Variants in CNTRL observed in about 807,000 individuals in gnomAD.
CNTRL encodes the protein centriolin, also known as 110 kDa centrosomal protein.
CNTRL carries 233 observed loss-of-function variants against 303.7 expected under a neutral mutation model. That is an observed-to-expected ratio of 0.77 (90% CI 0.69 to 0.86). CNTRL has a LOEUF of 0.86. Among genes scored for constraint, CNTRL ranks in the 40% least tolerant of loss-of-function variants. The probability of loss-of-function intolerance (pLI) is 0.00; values close to 1 mark genes in which losing one functional copy is unlikely to be tolerated. For missense variants in CNTRL, 2,524 were observed against 2,650.6 expected, an observed-to-expected ratio of 0.95 and a Z score of 1.05; for synonymous variants, 900 against 922.2, an observed-to-expected ratio of 0.98 and a Z score of 0.44.
At chr9:121,120,258 TA>T (rs978597228) in intron 12 of CNTRL, among the ~76,000 whole-genome samples, 3 of 152,214 alleles carry the variant, frequency 2.0e-5, no homozygotes, top group African/African-American at 7.2e-5. Flanking sequence ...ATATCATATA[TA>T]TTTTTTTGTG....
At chr9:121,121,689 T>C in intron 12 of CNTRL, 2 of 658,872 alleles carry the variant, frequency 3.0e-6, no homozygotes, top group Non-Finnish European at 3.8e-6. Context: ...CCTGGGAGCT[T>C]CCTGTGTTAT....
At chr9:121,076,128 G>A (rs2047914713) in intron 1 of CNTRL, among the ~76,000 whole-genome samples, 1 of 152,184 alleles carries the variant, frequency 6.6e-6, no homozygotes, top group South Asian at 2.1e-4. Flanking sequence ...GGAGAAACAG[G>A]CAACAACCAA....
chr9:121,162,186 T>A lies in CNTRL; in HGVS notation c.5338T>A (p.Ser1780Thr). Residue 1780 changes from serine (S) to threonine (T), a missense_variant, in exon 34 of 44, where the codon TCG (serine) becomes ACG (threonine). Coordinates refer to ENST00000373855, the MANE Select transcript of CNTRL (RefSeq NM_007018.6). ...GACTGCTGAGTCCCGAGCTTTACAA[T>A]CGTGTGTTGAGTGTTTGAGCAAAGA... ...RMTAESRALQ[S>T]CVECLSKEKE... The A allele has an allele frequency of 6.2e-7, 1 of 1,614,156 alleles. No homozygotes were observed. Among genetic ancestry groups the A allele is most frequent in the African/African-American group, 1.3e-5 (1 of 75,036 alleles).
At chr9:121,155,517 G>A (rs565376806) in intron 27 of CNTRL, among the ~76,000 whole-genome samples, 126 of 152,206 alleles carry the variant, frequency 8.3e-4, no homozygotes, top group Admixed American at 1.8e-3. Context: ...GAGTAGAGAC[G>A]GGGTTTCACC....
chr9:121,102,379 G>T (rs10818505), intron 7 of CNTRL, among the ~76,000 whole-genome samples: 53,484 of 152,044 alleles, frequency 0.35, 11,725 homozygotes, highest in South Asian at 0.64. Flanking sequence ...AATAAATTAG[G>T]TATTGATGGG....
At chr9:121,132,530 G>A (rs967737323) in intron 14 of CNTRL, among the ~76,000 whole-genome samples, 1 of 152,058 alleles carries the variant, frequency 6.6e-6, no homozygotes, top group Non-Finnish European at 1.5e-5. Context: ...TTAGCCATTC[G>A]TCTAATCTTT....
intron 14 of CNTRL, among the ~76,000 whole-genome samples, chr9:121,130,300 A>G (rs1461894303): frequency 1.3e-5 from 2 of 152,242 alleles, no homozygotes; most frequent in East Asian, 3.9e-4. Context: ...TATTGCCTCA[A>G]TTTCAGATCC....
At chr9:121,117,806 C>T (rs922502173) in intron 11 of CNTRL, among the ~76,000 whole-genome samples, 10 of 151,806 alleles carry the variant, frequency 6.6e-5, no homozygotes, top group African/African-American at 1.2e-4. Context: ...GGTGAAACCC[C>T]ATCTCTACTA....
In CNTRL at chr9:121,138,616, C is replaced by T; in HGVS notation, c.2274C>T (p.Ala758=). Residue 758 remains alanine, a synonymous_variant, in exon 16 of 44, where the codon GCC becomes GCT. Coordinates refer to ENST00000373855, the MANE Select transcript of CNTRL (RefSeq NM_007018.6). ...CCCTCAAGAATGCCCTTGGAAAAGC[C>T]CAGTTCTCAGAAGAAAAGGAGCAAG... ...RQALKNALGK[A]QFSEEKEQEN... 3.7e-6 allele frequency: 6 copies of T among 1,613,804 alleles called. No individual in the cohort carries two copies. The highest frequency in any genetic ancestry group is 4.2e-6 in the Non-Finnish European group (5 of 1,179,814).
At chr9:121,090,469 GA>G (rs34349718) in intron 4 of CNTRL, 64 bp downstream of exon 4, 89 of 1,454,368 alleles carry the variant, frequency 6.1e-5, no homozygotes, top group African/African-American at 1.9e-4. Flanking sequence ...TTAATACTGC[GA>G]AAAAAAATTA....
intron 25 of CNTRL, among the ~76,000 whole-genome samples, chr9:121,151,031 G>T (rs1431889464): frequency 6.6e-6 from 1 of 152,092 alleles, no homozygotes; most frequent in Non-Finnish European, 1.5e-5. Context: ...ATACAGTAAG[G>T]TTTTGGTGGG....
chr9:121,115,007 CAAAG>C (rs1486017729), intron 10 of CNTRL, 80 bp from the exon 11 acceptor site: 1 of 834,022 alleles, frequency 1.2e-6, no homozygotes, highest in Non-Finnish European at 1.9e-6. Flanking sequence ...AAGGTTATTA[CAAAG>C]AAAGAATACC....
intron 4 of CNTRL, among the ~76,000 whole-genome samples, chr9:121,093,126 G>T (rs1039302482): frequency 6.6e-6 from 1 of 151,652 alleles, no homozygotes; most frequent in Non-Finnish European, 1.5e-5. Flanking sequence ...TTTGTTTATT[G>T]TCTGTTTCTG....
chr9:121,168,781 C>T (rs921679694), intron 38 of CNTRL, among the ~76,000 whole-genome samples: 7 of 152,092 alleles, frequency 4.6e-5, no homozygotes, highest in African/African-American at 1.2e-4. Context: ...ATGAAGTTGA[C>T]GTGGGAATCC....
At chr9:121,076,080 G>A (rs1369979810) in intron 1 of CNTRL, among the ~76,000 whole-genome samples, 1 of 152,208 alleles carries the variant, frequency 6.6e-6, no homozygotes, top group Non-Finnish European at 1.5e-5. Flanking sequence ...TAGAACAACA[G>A]ACAAAACCTC....
chr9:121,162,184 A>G lies in CNTRL; in HGVS notation c.5336A>G (p.Gln1779Arg), dbSNP rs771993360. The change falls in exon 34 of 44, where the codon CAA (glutamine) becomes CGA (arginine). Residue 1779 changes from glutamine (Q) to arginine (R), a missense_variant. Coordinates refer to ENST00000373855, the MANE Select transcript of CNTRL (RefSeq NM_007018.6). ...ATGACTGCTGAGTCCCGAGCTTTAC[A>G]ATCGTGTGTTGAGTGTTTGAGCAAA... ...ERMTAESRAL[Q>R]SCVECLSKEK... The G allele has an allele frequency of 6.2e-7, 1 of 1,614,074 alleles. No homozygotes were observed. The highest frequency in any genetic ancestry group is 1.7e-5 in the Admixed American group (1 of 60,004).
intron 14 of CNTRL, among the ~76,000 whole-genome samples, chr9:121,130,119 G>A (rs1195206166): frequency 6.6e-6 from 1 of 151,656 alleles, no homozygotes; most frequent in African/African-American, 2.4e-5. Context: ...TCTCTGCCAG[G>A]CTTTGGTATC....
Position 121,075,160 on chromosome 9 carries a change from G to T in CNTRL, c.-205+93G>T, listed in dbSNP as rs1223168438. On this transcript the variant is annotated intron_variant, in intron 1 of 43. Coordinates refer to ENST00000373855, the MANE Select transcript of CNTRL (RefSeq NM_007018.6). ...GGCGGGAAGGCCCGGACCGGGCGTG[G>T]TGTGGGCCGGCTTGGGATGGATTCG... 8 of 349,628 alleles carry T rather than the reference G, an allele frequency of 2.3e-5. No individual in the cohort carries two copies. The East Asian group carries it at 4.0e-4, about 18-fold the overall frequency. 21.7% of individuals were successfully genotyped at this position (349,628 alleles called of 1,614,324 possible).
intron 23 of CNTRL, among the ~76,000 whole-genome samples, chr9:121,148,365 T>A (rs1299019318): frequency 6.6e-6 from 1 of 152,178 alleles, no homozygotes; most frequent in Non-Finnish European, 1.5e-5. Flanking sequence ...CTTTGAGCCC[T>A]TCACTTTCAC....
Sources: gnomAD v4.1 joint callset for allele counts (sites outside exome capture counted in the v4.1 genomes callset) on GRCh38, gnomAD v4.1.1 for gene constraint, MANE v1.5 for transcripts, NCBI Gene and HGNC (gene_info 2026-07-23, HGNC 2026-07-21) for gene names.